EXD3: variants seen among roughly 807,000 people sequenced by gnomAD.
The protein encoded by EXD3 is exonuclease mut-7 homolog.
EXD3 carries 92 observed loss-of-function variants against 98.0 expected under a neutral mutation model. The ratio of observed to expected loss-of-function variants is 0.94; its 90% CI spans 0.79 to 1.12. The LOEUF is 1.12. Among genes scored for constraint, EXD3 ranks in the 50% most tolerant of loss-of-function variants. EXD3 has a pLI of 0.00. For synonymous variants in EXD3, 569 were observed against 526.0 expected (o/e 1.08, Z -1.12); for missense variants, 1,222 against 1,191.6 (o/e 1.03, Z -0.38).
intron 17 of EXD3, among the ~76,000 whole-genome samples, chr9:137,330,756 A>G (rs1233527408): frequency 6.6e-6 from 1 of 152,202 alleles, no homozygotes; most frequent in Non-Finnish European, 1.5e-5. Flanking sequence ...CTCTCTTTCA[A>G]GAAAGAGGAA....
Position 137,349,748 on chromosome 9 carries a change from C to T in EXD3, c.1495-217G>A, listed in dbSNP as rs976962217. On this transcript the variant is annotated intron_variant, in intron 14 of 21. Transcript: ENST00000340951. This position sits in a 1 kb window ranked among gnomAD's most constrained non-coding sequence, Gnocchi z 7.4. ...AGGCACTGCACACCAGGGCCAGCTC[C>T]GGGGGCCCTGGTCAGCAGTCCCACG... Among the ~76,000 whole-genome samples the T allele has an allele frequency of 1.3e-5, 2 of 151,984 alleles. No individual in the cohort carries two copies. The highest frequency in any genetic ancestry group is 4.8e-5 in the African/African-American group (2 of 41,384).
chr9:137,411,324 C>T (rs1837986633), intron 1 of EXD3, among the ~76,000 whole-genome samples: 1 of 152,132 alleles, frequency 6.6e-6, no homozygotes, highest in African/African-American at 2.4e-5. Context: ...GCCCCCGAGC[C>T]CTGGGCATGG....
chr9:137,328,633 T>C (rs955708106), intron 17 of EXD3, among the ~76,000 whole-genome samples: 4 of 66,870 alleles, frequency 6.0e-5, no homozygotes, highest in Admixed American at 1.5e-4. Flanking sequence ...TACACGGGAC[T>C]ACACGGGGCT....
At chr9:137,321,340 G>GCCTCCATGAGGGGATCTC (rs1160074479) in intron 19 of EXD3, among the ~76,000 whole-genome samples, 7 of 152,204 alleles carry the variant, frequency 4.6e-5, no homozygotes, top group African/African-American at 7.2e-5. Context: ...CCTGACAGTG[G>GCCTCCATGAGGGGATCTC]CCTCCATGAG....
At chr9:137,412,213 T>C (rs558552712) in intron 1 of EXD3, among the ~76,000 whole-genome samples, 20 of 152,296 alleles carry the variant, frequency 1.3e-4, no homozygotes, top group African/African-American at 2.2e-4. Flanking sequence ...CCAGAAGCTG[T>C]TGATCCCAAA....
In EXD3 at chr9:137,334,970, G is replaced by A. The variant is rs867920330; in HGVS notation, c.1999-10827C>T. Among the ~76,000 whole-genome samples the A allele has an allele frequency of 3.9e-5, 6 of 151,984 alleles. No individual in the cohort carries two copies. In the South Asian group the frequency reaches 6.2e-4, roughly 16 times the overall value. On this transcript the variant is annotated intron_variant, in intron 17 of 21. Coordinates refer to ENST00000340951, the MANE Select transcript of EXD3 (RefSeq NM_017820.5). Reference sequence around the variant, plus strand: ...CAGGCGCCTGTAGTCCCAGCTACTCGGGAGGCTGAGGCAGGAGAATCACTT... The same window carrying A: ...CAGGCGCCTGTAGTCCCAGCTACTCAGGAGGCTGAGGCAGGAGAATCACTT...
rs922388679 is a variant in EXD3, at chr9:137,371,098, C to T, written c.462+1807G>A. On this transcript the variant is annotated intron_variant, in intron 5 of 21. Transcript: ENST00000340951. This position sits in a 1 kb window ranked among gnomAD's most constrained non-coding sequence, Gnocchi z 8.0. Reference sequence around the variant, plus strand: ...AGAAGGGGCCTGTGCGGGACAAGACCCCCTTTGTGTGGGGATTCCTGCCTC... The same window carrying T: ...AGAAGGGGCCTGTGCGGGACAAGACTCCCTTTGTGTGGGGATTCCTGCCTC... Among the ~76,000 whole-genome samples the T allele has an allele frequency of 6.6e-6, 1 of 152,186 alleles. No homozygotes were observed. The highest frequency in any genetic ancestry group is 2.4e-5 in the African/African-American group (1 of 41,464).
At chr9:137,396,212 C>T (rs1472674850) in intron 1 of EXD3, among the ~76,000 whole-genome samples, 2 of 152,172 alleles carry the variant, frequency 1.3e-5, no homozygotes, top group African/African-American at 2.4e-5. Flanking sequence ...AGGTGATCCA[C>T]CCGCCTCAGC....
chr9:137,348,398 C>A (rs551543686), intron 16 of EXD3, among the ~76,000 whole-genome samples, 160 bp from the exon 17 acceptor site: 1 of 149,412 alleles, frequency 6.7e-6, no homozygotes, highest in South Asian at 2.1e-4. Context: ...GAAACGCAGA[C>A]AAAATGCAGT....
rs927290733 is a variant in EXD3 at position 137,367,979 on chromosome 9, A to C, written c.473T>G (p.Leu158Arg). Residue 158 changes from leucine (L) to arginine (R), a missense_variant, in exon 6 of 22, where the codon CTG becomes CGG. Physicochemically the swap from Leu to Arg is moderately radical, Grantham distance 102. Coordinates refer to ENST00000340951, the MANE Select transcript of EXD3 (RefSeq NM_017820.5). ...CGACTGCAGCTTCAACGTCGCGCCC[A>C]GCGTGGCTGCCTGGCAAACACAAAG... ...HEGRFREAAT[L>R]GATLKLQSEL... 8.1e-6 allele frequency: 13 copies of C among 1,609,922 alleles called. No homozygotes were observed. The highest frequency in any genetic ancestry group is 1.1e-5 in the Non-Finnish European group (13 of 1,179,604).
intron 2 of EXD3, chr9:137,391,709 C>G (rs1448065645): frequency 6.6e-6 from 1 of 152,248 alleles, no homozygotes; most frequent in African/African-American, 2.4e-5. Flanking sequence ...CTGTGGGACT[C>G]TGAATTTCCC....
At chr9:137,356,444 TC>T in intron 7 of EXD3, 76 bp from the exon 8 acceptor site, 1 of 976,608 alleles carries the variant, frequency 1.0e-6, no homozygotes, top group Non-Finnish European at 1.6e-6. Flanking sequence ...TTCATCATAG[TC>T]ATATGCATGC....
intron 17 of EXD3, among the ~76,000 whole-genome samples, chr9:137,331,653 C>T (rs1185440705): frequency 1.3e-5 from 2 of 152,200 alleles, no homozygotes; most frequent in Non-Finnish European, 2.9e-5. Context: ...CGGTGGCTCA[C>T]GCCTGTAATC....
intron 17 of EXD3, among the ~76,000 whole-genome samples, chr9:137,329,496 GTCACACGGGACTACACGGGA>G (rs1832817298): frequency 2.0e-5 from 1 of 50,292 alleles, no homozygotes; most frequent in Admixed American, 2.1e-4. Flanking sequence ...ACTACACGGG[GTCACACGGGACTACACGGGA>G]CTACACGGGA....
At chr9:137,341,395 C>T (rs1006078771) in intron 17 of EXD3, among the ~76,000 whole-genome samples, 3 of 152,230 alleles carry the variant, frequency 2.0e-5, no homozygotes, top group Non-Finnish European at 4.4e-5. Flanking sequence ...TTACAGGACT[C>T]AGCACACAGT....
chr9:137,391,805 T>C (rs1836928402), intron 2 of EXD3: 1 of 152,244 alleles, frequency 6.6e-6, no homozygotes. Flanking sequence ...CGCCTGCTCA[T>C]GCAAAAGCTG....
chr9:137,376,201 G>C lies in EXD3; in HGVS notation c.121-2602C>G, dbSNP rs577694895. Among the ~76,000 whole-genome samples the C allele has an allele frequency of 2.6e-5, 4 of 151,844 alleles. No homozygotes were observed. The South Asian group carries it at 8.3e-4, about 32-fold the overall frequency. ...CTACTAAAAATACAAAAAATTAGCC[G>C]GGCATGGTGGCGGGCGACTGTAGTC... On this transcript the variant is annotated intron_variant, in intron 3 of 21. Transcript: ENST00000340951.
intron 17 of EXD3, among the ~76,000 whole-genome samples, chr9:137,330,466 ACTACAAAGGAG>A (rs1249610992): frequency 2.1e-4 from 28 of 133,412 alleles, no homozygotes; most frequent in Admixed American, 4.5e-4. Context: ...GCTACACAGG[ACTACAAAGGAG>A]CTACACAGGA....
rs1834720690 is a variant in EXD3 at position 137,355,691 on chromosome 9, A to AAGGGAGGAAGGAGG, written c.757+563_757+576dup. ...AGAAAGGGAGGATGGAGGAAGGAGA[A>AAGGGAGGAAGGAGG]AGGGAGGAAGGAGGAAGGAGGAAGG... is the stretch of plus-strand genomic sequence containing the variant. On this transcript the variant is annotated intron_variant, in intron 8 of 21. Transcript: ENST00000340951. Among the ~76,000 whole-genome samples the AAGGGAGGAAGGAGG allele has an allele frequency of 7.1e-5, 8 of 113,180 alleles. No homozygotes were observed. The South Asian group carries it at 1.5e-3, about 21-fold the overall frequency. 74.3% of individuals were successfully genotyped at this position (113,180 alleles called of 152,430 possible).
Sources: allele counts gnomAD v4.1 joint callset (sites outside exome capture counted in the v4.1 genomes callset), GRCh38; gene constraint gnomAD v4.1.1; non-coding constraint Gnocchi (gnomAD v3.1); transcripts MANE v1.5; gene names NCBI Gene and HGNC (gene_info 2026-07-23, HGNC 2026-07-21).